Variants in PADI4 observed in about 807,000 individuals in gnomAD.
PADI4 encodes the protein protein-arginine deiminase type-4.
In PADI4, 62 loss-of-function variants were observed where a neutral mutation model predicts 75.0. The observed-to-expected ratio is 0.83, with a 90% CI of 0.67 to 1.02. The LOEUF (loss-of-function observed/expected upper bound fraction) is 1.02, where lower values mean the gene tolerates loss of function less well. Ranked by LOEUF, PADI4 falls within the 50% of genes least tolerant of loss-of-function variation. PADI4 has a pLI of 0.00. For missense variants in PADI4, 845 were observed against 850.5 expected, an observed-to-expected ratio of 0.99 and a Z score of 0.08; for synonymous variants, 361 against 348.1, an observed-to-expected ratio of 1.04 and a Z score of -0.41.
At chr1:17,310,802 A>G (rs1223540939) in intron 1 of PADI4, among the ~76,000 whole-genome samples, 1 of 152,150 alleles carries the variant, frequency 6.6e-6, no homozygotes, top group Non-Finnish European at 1.5e-5. Flanking sequence ...CTCTACTAAA[A>G]ATACAAAAAA....
intron 6 of PADI4, among the ~76,000 whole-genome samples, chr1:17,340,987 G>A (rs1200702276): frequency 6.6e-6 from 1 of 151,388 alleles, no homozygotes; most frequent in Non-Finnish European, 1.5e-5. Flanking sequence ...TTTTAGTAGA[G>A]ATGGGATTTC....
chr1:17,353,343 T>A (rs2074700229), intron 10 of PADI4, among the ~76,000 whole-genome samples: 1 of 152,148 alleles, frequency 6.6e-6, no homozygotes, highest in Non-Finnish European at 1.5e-5. Context: ...AGCATGCACC[T>A]GTGGTCCCAG....
In PADI4 at chr1:17,346,235, G is replaced by A. The variant is rs2301888; in HGVS notation, c.1047+96G>A. On this transcript the variant is annotated intron_variant, in intron 9 of 15. Coordinates refer to ENST00000375448, the MANE Select transcript of PADI4 (RefSeq NM_012387.3). This position sits in a 1 kb window ranked among gnomAD's most constrained non-coding sequence, Gnocchi z 4.3. ...CTGGGGTTCAGCCTGGTGCCTCACC[G>A]GCCACTCTTCCTTAGATGGACAGGG... is the stretch of plus-strand genomic sequence containing the variant. 249,577 of 704,740 alleles carry A rather than the reference G, an allele frequency of 0.35. 47,023 individuals are homozygous for A. Among genetic ancestry groups the A allele is most frequent in the East Asian group, 0.58 (21,551 of 37,212 alleles). The allele number at this position is 704,740 out of a possible 1,614,324, so 43.7% of individuals were successfully genotyped here. A position where few individuals can be genotyped will look rare whatever the true frequency, so the allele number is the denominator to read the frequency against.
intron 1 of PADI4, among the ~76,000 whole-genome samples, chr1:17,310,778 T>C (rs2073808496): frequency 6.6e-6 from 1 of 151,800 alleles, no homozygotes. Context: ...CTGGCCAACA[T>C]GGGGAAACCC....
intron 15 of PADI4, among the ~76,000 whole-genome samples, chr1:17,362,907 A>C (rs955518956): frequency 3.2e-4 from 48 of 151,066 alleles, no homozygotes; most frequent in African/African-American, 1.1e-3. Flanking sequence ...GCTCACTGAA[A>C]CCTCCACTTC....
At position 17,342,342 on chromosome 1, in the gene PADI4, G is replaced by A. The variant is rs763921861; in HGVS notation, c.875G>A (p.Arg292His). The change falls in exon 8 of 16, where the codon CGC becomes CAC. Residue 292 changes from arginine to histidine, a missense_variant. Arg to His is a conservative substitution (Grantham distance 29, BLOSUM62 0). Transcript: ENST00000375448. ...AVVFQDSVVF[R>H]VAPWIMTPNT... ...GTGTTCCAAGACAGCGTGGTCTTCCGCGTGGCGCCCTGGATCATGACCCCC... is the reference window on the plus strand; with the variant it reads ...GTGTTCCAAGACAGCGTGGTCTTCCACGTGGCGCCCTGGATCATGACCCCC... The A allele has an allele frequency of 1.5e-5, 25 of 1,613,874 alleles. No homozygotes were observed. The highest frequency in any genetic ancestry group is 8.3e-5 in the Admixed American group (5 of 59,996).
chr1:17,321,881 C>A (rs191126766), intron 1 of PADI4, among the ~76,000 whole-genome samples: 1 of 152,062 alleles, frequency 6.6e-6, no homozygotes, highest in Admixed American at 6.6e-5. Context: ...GGAGAAAGGG[C>A]GGATAATGGA....
In PADI4 at chr1:17,319,292, G is replaced by A. The variant is rs146942536; in HGVS notation, c.92+10978G>A. Among the ~76,000 whole-genome samples, 841 of 152,252 alleles carry A rather than the reference G, an allele frequency of 5.5e-3. 10 individuals are homozygous for A. The highest frequency in any genetic ancestry group is 0.019 in the African/African-American group (804 of 41,546). ...ATCAAGAGAGAGACAGAGGCATGGC[G>A]TGGTGGCTCATGTCTGTAATCCCAG... On this transcript the variant is annotated intron_variant, in intron 1 of 15. Coordinates refer to ENST00000375448, the MANE Select transcript of PADI4 (RefSeq NM_012387.3).
chr1:17,359,217 T>TGCCCCCC, intron 14 of PADI4, 63 bp from the exon 15 acceptor site: 27 of 647,752 alleles, frequency 4.2e-5, no homozygotes, highest in East Asian at 1.5e-4. Context: ...CCCCACACTG[T>TGCCCCCC]CCCCCACCCC....
rs1748020 is a variant in PADI4, at chr1:17,342,114, C to T, written c.824C>T (p.Ser275Phe). 0.051 allele frequency: 82,607 copies of T among 1,613,608 alleles called. 2,467 individuals are homozygous for T. Among genetic ancestry groups the T allele is most frequent in the African/African-American group, 0.098 (7,367 of 75,008 alleles). Residue 275 changes from serine (S) to phenylalanine (F), a missense_variant, in exon 7 of 16, where the codon TCC becomes TTC. Ser to Phe is a radical substitution (Grantham distance 155). Transcript: ENST00000375448. ...CTCACCATCTCCCTGCTGGACACGT[C>T]CAACCTGGTAGGCCGAGAAGGCAGC... ...ITLTISLLDT[S>F]NLELPEAVVF... is the part of the protein sequence containing the mutation.
chr1:17,361,148 C>T (rs1274863438), intron 15 of PADI4, among the ~76,000 whole-genome samples: 3 of 148,466 alleles, frequency 2.0e-5, no homozygotes, highest in African/African-American at 5.0e-5. Flanking sequence ...CTAGGCAGTG[C>T]CAGCCCCACC....
Position 17,354,672 on chromosome 1 carries a change from AC to A in PADI4, c.1296del (p.Asp432GlufsTer29), listed in dbSNP as rs776607089. On this transcript the variant is annotated frameshift_variant, in exon 11 of 16. Transcript: ENST00000375448. LOFTEE classifies it high-confidence loss of function. ...CCGCTGGGCAGGATTCTCTTCGGGG[AC>A]AGCTGTTATCCCAGGTAAGGAGGGG... is the stretch of plus-strand genomic sequence containing the variant. ...EYPLGRILFGDSCYPSNDSRQ... is the reference protein window; with the variant it reads ...EYPLGRILFGXSCYPSNDSRQ... 10 of 1,608,754 alleles carry A rather than the reference AC, an allele frequency of 6.2e-6. No homozygotes were observed. The South Asian group carries it at 1.1e-4, about 18-fold the overall frequency.
intron 1 of PADI4, among the ~76,000 whole-genome samples, chr1:17,311,726 C>T (rs1569969086): frequency 1.3e-5 from 2 of 152,126 alleles, no homozygotes; most frequent in African/African-American, 4.8e-5. Flanking sequence ...GGTGTTTCAC[C>T]GTGTTAGCCA....
In PADI4 at chr1:17,352,172, T is replaced by C. The variant is rs553052957; in HGVS notation, c.1156-2361T>C. On this transcript the variant is annotated intron_variant, in intron 10 of 15. Coordinates refer to ENST00000375448, the MANE Select transcript of PADI4 (RefSeq NM_012387.3). The stretch of plus-strand genomic sequence containing the variant: ...AGGCAATCAGGGAGGTGATGAGAGG[T>C]GGTAGGAGAGGCGGTCAGGGAGGAG... Among the ~76,000 whole-genome samples the C allele has an allele frequency of 5.9e-3, 762 of 129,792 alleles. 9 individuals are homozygous for C. Among genetic ancestry groups the C allele is most frequent in the African/African-American group, 0.02 (675 of 33,100 alleles). 85.1% of individuals were successfully genotyped at this position (129,792 alleles called of 152,430 possible). A position where few individuals can be genotyped will look rare whatever the true frequency, so the allele number is the denominator to read the frequency against.
At chr1:17,315,850 C>T (rs1215104287) in intron 1 of PADI4, among the ~76,000 whole-genome samples, 3 of 151,958 alleles carry the variant, frequency 2.0e-5, no homozygotes, top group Non-Finnish European at 4.4e-5. Context: ...ACTGGGTTCC[C>T]ATTCAGGGGC....
intron 9 of PADI4, among the ~76,000 whole-genome samples, chr1:17,347,050 G>T (rs1309632840): frequency 6.6e-6 from 1 of 151,442 alleles, no homozygotes; most frequent in Non-Finnish European, 1.5e-5. Flanking sequence ...TGATTCTCCT[G>T]CCTCAGCCTC....
chr1:17,351,609 CAAAAAAAAAAA>C (rs56047360), intron 10 of PADI4, among the ~76,000 whole-genome samples: 2 of 98,026 alleles, frequency 2.0e-5, no homozygotes, highest in Non-Finnish European at 3.8e-5. Flanking sequence ...GACCTGGTCT[CAAAAAAAAAAA>C]AAAAAAAAAA....
chr1:17,356,076 CGTGGGCCACGTGGACGA>C lies in PADI4; in HGVS notation c.1407_1423del (p.Gly470ProfsTer32), dbSNP rs1380679265. 1.2e-6 allele frequency: 2 copies of C among 1,614,042 alleles called. No individual in the cohort carries two copies. Among genetic ancestry groups the C allele is most frequent in the Non-Finnish European group, 1.7e-6 (2 of 1,180,004 alleles). On this transcript the variant is annotated frameshift_variant, in exon 12 of 16. Transcript: ENST00000375448. LOFTEE classifies it high-confidence loss of function. This position sits in a 1 kb window ranked among gnomAD's most constrained non-coding sequence, Gnocchi z 4.1. ...TGAAGCTCTATTCTGACTGGCTGTC[CGTGGGCCACGTGGACGA>C]GTTCCTGAGCTTTGTGCCAGCACCC...
intron 1 of PADI4, among the ~76,000 whole-genome samples, chr1:17,316,711 T>TA (rs66586960): frequency 0.71 from 97,284 of 137,248 alleles, 35,827 homozygotes; most frequent in Non-Finnish European, 0.8. Context: ...ATAAATAAAT[T>TA]AATTAATTAA....
Sources: gnomAD v4.1 joint callset for allele counts (sites outside exome capture counted in the v4.1 genomes callset) on GRCh38, gnomAD v4.1.1 for gene constraint, Gnocchi (gnomAD v3.1) non-coding constraint, MANE v1.5 for transcripts, NCBI Gene and HGNC (gene_info 2026-07-23, HGNC 2026-07-21) for gene names.